BCL9: variants seen among roughly 807,000 people sequenced by gnomAD.
BCL9 encodes the protein BCL9 transcription coactivator.
BCL9 carries 25 observed loss-of-function variants against 88.5 expected under a neutral mutation model. That is an observed-to-expected ratio of 0.28 (90% CI 0.21 to 0.39). The LOEUF is 0.39. Among genes scored for constraint, BCL9 ranks in the 10% least tolerant of loss-of-function variants. The pLI is 1.00. For synonymous variants in BCL9, 711 were observed against 673.3 expected, an observed-to-expected ratio of 1.06 and a Z score of -0.87; for missense variants, 1,817 against 1,877.8, an observed-to-expected ratio of 0.97 and a Z score of 0.60.
At position 147,620,031 on chromosome 1, in the gene BCL9, G is replaced by A; in HGVS notation, c.1876G>A (p.Gly626Arg). 1 of 1,614,144 alleles carries A rather than the reference G, an allele frequency of 6.2e-7. No individual in the cohort carries two copies. The highest frequency in any genetic ancestry group is 8.5e-7 in the Non-Finnish European group (1 of 1,180,026). The change falls in exon 8 of 10, where the codon GGA becomes AGA. Residue 626 changes from glycine to arginine, a missense_variant. Gly to Arg is a moderately radical substitution (Grantham distance 125, BLOSUM62 -2). Around this residue, in one of 2 missense-constraint regions of BCL9, gnomAD observed 1,228 missense variants for 1,191.6 expected, o/e 1.03. Coordinates refer to ENST00000234739, the MANE Select transcript of BCL9 (RefSeq NM_004326.4). ...AGGGGAACGCTTCCCAAACCCCCAA[G>A]GATTGTCTGAAGAGATGTTTCAGCA... ...GRGERFPNPQGLSEEMFQQQL... is the reference protein window; with the variant it reads ...GRGERFPNPQRLSEEMFQQQL...
intron 1 of BCL9, among the ~76,000 whole-genome samples, chr1:147,549,799 A>G (rs782121462): frequency 7.2e-5 from 11 of 152,134 alleles, no homozygotes; most frequent in Non-Finnish European, 1.0e-4. Flanking sequence ...CTTCTCTTTC[A>G]TATCAGTCTG....
intron 1 of BCL9, among the ~76,000 whole-genome samples, chr1:147,594,397 G>C (rs1353624771): frequency 2.6e-5 from 4 of 152,188 alleles, no homozygotes; most frequent in Admixed American, 2.6e-4. Context: ...AAGATATAGG[G>C]AATTCAGAAG....
At position 147,624,125 on chromosome 1, in the gene BCL9, G is replaced by A; in HGVS notation, c.3447G>A (p.Gln1149=). The A allele has an allele frequency of 6.3e-7, 1 of 1,597,052 alleles. No individual in the cohort carries two copies. The highest frequency in any genetic ancestry group is 8.5e-7 in the Non-Finnish European group (1 of 1,169,796). The part of the protein sequence containing the change: ...QGFPPVQSPP[Q]QVPFPHNGPS... ...TCCCTCCAGTACAGTCTCCCCCACA[G>A]CAGGTTCCATTCCCTCACAATGGCC... Residue 1149 remains glutamine, a synonymous_variant, in exon 10 of 10, where the codon CAG becomes CAA. Transcript: ENST00000234739. This position sits in a 1 kb window ranked among gnomAD's most constrained non-coding sequence, Gnocchi z 4.4.
At chr1:147,576,780 T>C (rs1656130257) in intron 1 of BCL9, among the ~76,000 whole-genome samples, 1 of 152,204 alleles carries the variant, frequency 6.6e-6, no homozygotes, top group African/African-American at 2.4e-5. Context: ...ACTGCTGGTC[T>C]CTTGTCACTT....
chr1:147,614,740 TC>T, intron 6 of BCL9, 124 bp downstream of exon 6: 1 of 1,092,268 alleles, frequency 9.2e-7, no homozygotes, highest in Non-Finnish European at 1.3e-6. Flanking sequence ...ACATAAAACC[TC>T]CCCAACCCAA....
chr1:147,569,558 G>A (rs1156632968), intron 1 of BCL9, among the ~76,000 whole-genome samples: 1 of 152,044 alleles, frequency 6.6e-6, no homozygotes, highest in Non-Finnish European at 1.5e-5. Context: ...GCTGAGGTGG[G>A]AGAATTGCTT....
In BCL9 at chr1:147,619,578, C is replaced by A; in HGVS notation, c.1423C>A (p.Leu475Met). 1 of 1,614,048 alleles carries A rather than the reference C, an allele frequency of 6.2e-7. No homozygotes were observed. The highest frequency in any genetic ancestry group is 8.5e-7 in the Non-Finnish European group (1 of 1,180,020). ...MTPEQIAWLKLQQEFYEEKRR... is the reference protein window; with the variant it reads ...MTPEQIAWLKMQQEFYEEKRR... ...TCCCGAGCAGATAGCGTGGCTGAAACTGCAGCAGGAGTTTTATGAAGAGAA... is the reference window on the plus strand; with the variant it reads ...TCCCGAGCAGATAGCGTGGCTGAAAATGCAGCAGGAGTTTTATGAAGAGAA... The change falls in exon 8 of 10, where the codon CTG becomes ATG. Residue 475 changes from leucine to methionine, a missense_variant. Physicochemically the swap from Leu to Met is conservative, Grantham distance 15. This residue lies in a region of BCL9 where 1,228 missense variants were observed against 1,191.6 expected (regional missense o/e 1.03). Coordinates refer to ENST00000234739, the MANE Select transcript of BCL9 (RefSeq NM_004326.4). This position sits in a 1 kb window ranked among gnomAD's most constrained non-coding sequence, Gnocchi z 4.1.
intron 3 of BCL9, 89 bp from the exon 4 acceptor site, chr1:147,611,488 TG>T: frequency 3.2e-6 from 1 of 313,914 alleles, no homozygotes; most frequent in Non-Finnish European, 6.0e-6. Flanking sequence ...TTCGCTGAGT[TG>T]GCTAGTGCTT....
intron 1 of BCL9, among the ~76,000 whole-genome samples, chr1:147,594,634 C>G (rs1328264639): frequency 6.6e-6 from 1 of 152,036 alleles, no homozygotes; most frequent in Non-Finnish European, 1.5e-5. Context: ...AGATCAAGAA[C>G]AAACAACTTT....
In BCL9 at chr1:147,619,277, T is replaced by A; in HGVS notation, c.1122T>A (p.Phe374Leu). 6.2e-7 allele frequency: 1 copy of A among 1,614,124 alleles called. No homozygotes were observed. The highest frequency in any genetic ancestry group is 8.5e-7 in the Non-Finnish European group (1 of 1,180,022). Residue 374 changes from phenylalanine to leucine, a missense_variant, in exon 8 of 10, where the codon TTT becomes TTA. Physicochemically the swap from Phe to Leu is conservative, Grantham distance 22. This residue lies in a region of BCL9 where 1,228 missense variants were observed against 1,191.6 expected (regional missense o/e 1.03). Coordinates refer to ENST00000234739, the MANE Select transcript of BCL9 (RefSeq NM_004326.4). The surrounding 1 kb of genome is among the most constrained non-coding windows in gnomAD (Gnocchi z 4.1). ...QTLRDIQRML[F>L]PDEKEFTGAQ... The stretch of plus-strand genomic sequence containing the variant: ...TCAGAGATATCCAGCGCATGCTTTT[T>A]CCTGATGAGAAAGAATTCACAGGAG...
intron 1 of BCL9, among the ~76,000 whole-genome samples, chr1:147,571,033 C>T (rs1553197367): frequency 6.6e-6 from 1 of 152,052 alleles, no homozygotes; most frequent in African/African-American, 2.4e-5. Context: ...TCCCATCCAC[C>T]AGGCTGTACA....
At chr1:147,562,418 G>C (rs1051028079) in intron 1 of BCL9, among the ~76,000 whole-genome samples, 1 of 152,094 alleles carries the variant, frequency 6.6e-6, no homozygotes, top group African/African-American at 2.4e-5. Context: ...TTCGGTACTG[G>C]GGAGCCATTA....
chr1:147,609,928 CAT>C (rs1273940320), intron 3 of BCL9, among the ~76,000 whole-genome samples: 15 of 152,302 alleles, frequency 9.8e-5, no homozygotes, highest in South Asian at 2.1e-4. Flanking sequence ...TTCAGTACGA[CAT>C]GTGATTGAGT....
At chr1:147,546,999 C>G (rs1390326308) in intron 1 of BCL9, among the ~76,000 whole-genome samples, 1 of 2,924 alleles carries the variant, frequency 3.4e-4, no homozygotes, top group Non-Finnish European at 6.1e-4. Context: ...CCATAAAAAT[C>G]GTGTTTTTTT....
intron 1 of BCL9, among the ~76,000 whole-genome samples, chr1:147,601,207 G>A (rs1657371816): frequency 6.6e-6 from 1 of 152,174 alleles, no homozygotes; most frequent in Non-Finnish European, 1.5e-5. Context: ...GCCTAGATTG[G>A]AGTCCAGCTG....
rs149339660 is a variant in BCL9 at position 147,566,157 on chromosome 1, A to G, written c.-478+24483A>G. On this transcript the variant is annotated intron_variant, in intron 1 of 9. Coordinates refer to ENST00000234739, the MANE Select transcript of BCL9 (RefSeq NM_004326.4). ...CAGAGGAGCTGGTTGCTGGAAAAGC[A>G]TTTCTAAAGACAACAGGGCACCACA... 1.6e-3 allele frequency among the ~76,000 whole-genome samples: 250 copies of G among 152,338 alleles called. 2 individuals are homozygous for G. The highest frequency in any genetic ancestry group is 5.9e-3 in the African/African-American group (245 of 41,576).
At position 147,611,594 on chromosome 1, in the gene BCL9, G is replaced by A. The variant is rs587712383; in HGVS notation, c.-243G>A. 13 of 543,810 alleles carry A rather than the reference G, an allele frequency of 2.4e-5. No homozygotes were observed. Among genetic ancestry groups the A allele is most frequent in the East Asian group, 1.2e-4 (4 of 34,670 alleles). 33.7% of individuals were successfully genotyped at this position (543,810 alleles called of 1,614,324 possible). A position where few individuals can be genotyped will look rare whatever the true frequency, so the allele number is the denominator to read the frequency against. Reference sequence around the variant, plus strand: ...TTCCTGTAGTATGCCCTGGAGATGCGAGATTTTCCTCTGGCAGCAGGAGGC... The same window carrying A: ...TTCCTGTAGTATGCCCTGGAGATGCAAGATTTTCCTCTGGCAGCAGGAGGC... On this transcript the variant is annotated 5_prime_UTR_variant, in exon 4 of 10. Transcript: ENST00000234739.
At chr1:147,564,728 G>C (rs587654805) in intron 1 of BCL9, among the ~76,000 whole-genome samples, 2 of 152,206 alleles carry the variant, frequency 1.3e-5, no homozygotes, top group East Asian at 3.9e-4. Context: ...AGGTCTAAAA[G>C]AATAAATGTG....
At chr1:147,614,318 G>T in intron 5 of BCL9, 109 bp from the exon 6 acceptor site, 1 of 1,036,064 alleles carries the variant, frequency 9.7e-7, no homozygotes, top group African/African-American at 1.6e-5. Context: ...TCTTAGCAAG[G>T]TGGTACTTCC....
Sources: gnomAD v4.1 joint callset for allele counts (sites outside exome capture counted in the v4.1 genomes callset) on GRCh38, gnomAD v4.1.1 for gene constraint, gnomAD v4.1.1 regional missense constraint, Gnocchi (gnomAD v3.1) non-coding constraint, MANE v1.5 for transcripts, NCBI Gene and HGNC (gene_info 2026-07-23, HGNC 2026-07-21) for gene names.